LPP: variants seen among roughly 807,000 people sequenced by gnomAD.
The protein encoded by LPP is lipoma-preferred partner.
In LPP, 38 loss-of-function variants were observed where a neutral mutation model predicts 60.4. That is an observed-to-expected ratio of 0.63 (90% CI 0.49 to 0.83). LPP has a LOEUF of 0.83. LPP is among the 40% of genes least tolerant of loss of function. LPP has a pLI of 0.00. For synonymous variants in LPP, 328 were observed against 290.8 expected, an observed-to-expected ratio of 1.13 and a Z score of -1.30; for missense variants, 902 against 783.6, an observed-to-expected ratio of 1.15 and a Z score of -1.80.
intron 2 of LPP, among the ~76,000 whole-genome samples, chr3:188,252,079 C>T (rs866685490): frequency 4.8e-4 from 57 of 117,980 alleles, no homozygotes; most frequent in Non-Finnish European, 6.7e-4. Context: ...TATATATACA[C>T]ACACACACAC....
intron 2 of LPP, among the ~76,000 whole-genome samples, chr3:188,303,518 G>A (rs1750597146): frequency 6.6e-6 from 1 of 152,160 alleles, no homozygotes; most frequent in Non-Finnish European, 1.5e-5. Flanking sequence ...AACTGTGGGA[G>A]GTAAAAGGTA....
At chr3:188,316,946 G>A (rs1755260496) in intron 2 of LPP, among the ~76,000 whole-genome samples, 1 of 152,142 alleles carries the variant, frequency 6.6e-6, no homozygotes, top group Admixed American at 6.5e-5. Context: ...CCCTTGTCAG[G>A]CCCAACAATC....
chr3:188,888,347 C>T lies in LPP; in HGVS notation c.*13868C>T. ...CTGAGGATAGTAATTTTCCCTGAGC[C>T]ACGCACACAGGCTTTTATTTCATGC... On this transcript the variant is annotated 3_prime_UTR_variant, in exon 12 of 12. Coordinates refer to ENST00000617246, the MANE Select transcript of LPP (RefSeq NM_001375462.1). 1 of 228,152 alleles carries T rather than the reference C, an allele frequency of 4.4e-6. No individual in the cohort carries two copies. Among genetic ancestry groups the T allele is most frequent in the Non-Finnish European group, 8.7e-6 (1 of 114,750 alleles). The allele number at this position is 228,152 out of a possible 1,614,324, so 14.1% of individuals were successfully genotyped here.
chr3:188,796,397 A>G (rs774443713), intron 9 of LPP, among the ~76,000 whole-genome samples: 5 of 152,148 alleles, frequency 3.3e-5, no homozygotes, highest in Non-Finnish European at 5.9e-5. Context: ...CTTTTTCCCA[A>G]AAGTACAGGA....
At chr3:188,178,378 G>T (rs1560085976) in intron 1 of LPP, among the ~76,000 whole-genome samples, 1 of 151,878 alleles carries the variant, frequency 6.6e-6, no homozygotes, top group East Asian at 1.9e-4. Flanking sequence ...TCATTTATCT[G>T]TTTTTTTTCT....
intron 7 of LPP, among the ~76,000 whole-genome samples, chr3:188,666,939 A>G (rs558373260): frequency 6.6e-6 from 1 of 152,300 alleles, no homozygotes; most frequent in Admixed American, 6.5e-5. Context: ...TGGATATATA[A>G]TAGTGTTTGT....
At chr3:188,431,733 T>C (rs1319606207) in intron 4 of LPP, among the ~76,000 whole-genome samples, 2 of 152,168 alleles carry the variant, frequency 1.3e-5, no homozygotes, top group African/African-American at 4.8e-5. Flanking sequence ...TGTAAAACAA[T>C]GTGATTGAAC....
At chr3:188,468,645 T>C (rs1801035247) in intron 4 of LPP, among the ~76,000 whole-genome samples, 1 of 152,082 alleles carries the variant, frequency 6.6e-6, no homozygotes. Flanking sequence ...AGAAGCATAA[T>C]ATTGGAGACT....
intron 3 of LPP, among the ~76,000 whole-genome samples, chr3:188,346,249 A>ATTTTTTTTTTTTTTTTT (rs1764321005): frequency 8.0e-6 from 1 of 124,226 alleles, no homozygotes; most frequent in African/African-American, 3.6e-5. Flanking sequence ...AAAGTAGCAA[A>ATTTTTTTTTTTTTTTTT]TCTTTTTTTT....
At chr3:188,520,169 C>T (rs6806302) in intron 5 of LPP, among the ~76,000 whole-genome samples, 98,692 of 152,094 alleles carry the variant, frequency 0.65, 35,477 homozygotes, top group East Asian at 0.82. Flanking sequence ...CATATGTATT[C>T]AGATAATGCA....
In LPP at chr3:188,452,403, C is replaced by T. The variant is rs186772868; in HGVS notation, c.194-32189C>T. On this transcript the variant is annotated intron_variant, in intron 4 of 11. Transcript: ENST00000617246. ...CTTGTTTCCTTTCTCCCCAGAAAGG[C>T]CTCACTTGCTGCATGACAAGTCAGG... Among the ~76,000 whole-genome samples, 7 of 152,202 alleles carry T rather than the reference C, an allele frequency of 4.6e-5. No homozygotes were observed. The East Asian group carries it at 1.4e-3, about 30-fold the overall frequency.
At chr3:188,811,743 T>G (rs1751041993) in intron 9 of LPP, among the ~76,000 whole-genome samples, 2 of 151,998 alleles carry the variant, frequency 1.3e-5, no homozygotes, top group African/African-American at 4.8e-5. Flanking sequence ...TGGGGTAAAT[T>G]TTTGCTAGTA....
intron 5 of LPP, among the ~76,000 whole-genome samples, chr3:188,517,588 G>A (rs1003572091): frequency 2.0e-5 from 3 of 152,178 alleles, no homozygotes; most frequent in African/African-American, 4.8e-5. Context: ...AGAAAAAGAG[G>A]TTTAATTGGA....
intron 3 of LPP, among the ~76,000 whole-genome samples, chr3:188,372,312 A>T (rs569226525): frequency 6.6e-6 from 1 of 152,124 alleles, no homozygotes; most frequent in Admixed American, 6.5e-5. Context: ...ATTCCTTACT[A>T]TATAGATTTG....
At chr3:188,596,556 C>T (rs1307201657) in intron 6 of LPP, among the ~76,000 whole-genome samples, 2 of 151,888 alleles carry the variant, frequency 1.3e-5, no homozygotes, top group Non-Finnish European at 2.9e-5. Context: ...GTAACTGATA[C>T]ACATTCAAAT....
intron 7 of LPP, among the ~76,000 whole-genome samples, chr3:188,705,230 C>G (rs1021010266): frequency 2.0e-5 from 3 of 152,178 alleles, no homozygotes; most frequent in Non-Finnish European, 4.4e-5. Flanking sequence ...CGTACCTGGT[C>G]TTTATATAGA....
intron 9 of LPP, among the ~76,000 whole-genome samples, chr3:188,836,801 T>C (rs976975206): frequency 6.6e-6 from 1 of 152,308 alleles, no homozygotes; most frequent in East Asian, 1.9e-4. Context: ...CAAATAACAC[T>C]GGGTTTATAA....
chr3:188,540,655 T>C (rs933866085), intron 6 of LPP, among the ~76,000 whole-genome samples: 4 of 152,216 alleles, frequency 2.6e-5, no homozygotes, highest in Non-Finnish European at 4.4e-5. Context: ...CCCAGGATTG[T>C]AATGAGGACT....
At chr3:188,458,098 A>T (rs1798182093) in intron 4 of LPP, among the ~76,000 whole-genome samples, 1 of 152,180 alleles carries the variant, frequency 6.6e-6, no homozygotes, top group African/African-American at 2.4e-5. Flanking sequence ...GGCATTCACA[A>T]GTTAGAGTTC....
Sources: allele counts gnomAD v4.1 joint callset (sites outside exome capture counted in the v4.1 genomes callset), GRCh38; gene constraint gnomAD v4.1.1; transcripts MANE v1.5; gene names NCBI Gene and HGNC (gene_info 2026-07-23, HGNC 2026-07-21).